The following CD2AP variants were observed in gnomAD, a reference collection of about 807,000 sequenced individuals.
CD2AP encodes the protein CD2 associated protein.
CD2AP carries 46 observed loss-of-function variants against 85.1 expected under a neutral mutation model. The observed-to-expected ratio is 0.54, with a 90% CI of 0.43 to 0.69. CD2AP has a LOEUF of 0.69. CD2AP is among the 30% of genes least tolerant of loss of function. The pLI, the probability that CD2AP is intolerant of heterozygous loss-of-function variation, is 0.00. For missense variants in CD2AP, 769 were observed against 729.5 expected, an observed-to-expected ratio of 1.05 and a Z score of -0.62; for synonymous variants, 255 against 252.9, an observed-to-expected ratio of 1.01 and a Z score of -0.08.
chr6:47,531,295 G>A (rs1211805244), intron 2 of CD2AP, among the ~76,000 whole-genome samples: 1 of 151,906 alleles, frequency 6.6e-6, no homozygotes, highest in African/African-American at 2.4e-5. Flanking sequence ...TGTTGGATTC[G>A]AGTAACTTAA....
intron 3 of CD2AP, among the ~76,000 whole-genome samples, chr6:47,539,329 G>A (rs1431258077): frequency 1.3e-5 from 2 of 152,202 alleles, no homozygotes; most frequent in Non-Finnish European, 2.9e-5. Flanking sequence ...TTGTCAAGCA[G>A]AGTATATTGA....
chr6:47,505,011 C>CTTTTTTTTTTTTTTTTTTGTTTTTTTT, intron 2 of CD2AP, among the ~76,000 whole-genome samples: 1 of 95,138 alleles, frequency 1.1e-5, no homozygotes, highest in Non-Finnish European at 1.9e-5. Context: ...GTGGCAGTTT[C>CTTTTTTTTTTTTTTTTTTGTTTTTTTT]TTTTTTTTTT....
intron 11 of CD2AP, among the ~76,000 whole-genome samples, chr6:47,584,004 A>G (rs1432839739): frequency 6.6e-6 from 1 of 152,198 alleles, no homozygotes; most frequent in East Asian, 1.9e-4. Context: ...GCAATTCCGT[A>G]ATGATATATG....
At chr6:47,549,303 C>G (rs1256401380) in intron 4 of CD2AP, among the ~76,000 whole-genome samples, 1 of 151,824 alleles carries the variant, frequency 6.6e-6, no homozygotes, top group Non-Finnish European at 1.5e-5. Context: ...CCTTGAAATC[C>G]CTAAAGACTC....
At chr6:47,539,408 G>A (rs1767145553) in intron 3 of CD2AP, among the ~76,000 whole-genome samples, 1 of 152,188 alleles carries the variant, frequency 6.6e-6, no homozygotes, top group South Asian at 2.1e-4. Flanking sequence ...AAGAAATGCA[G>A]CCTTTGGCAG....
Position 47,543,872 on chromosome 6 carries a change from T to C in CD2AP, c.320-734T>C, listed in dbSNP as rs535255780. 2.6e-5 allele frequency among the ~76,000 whole-genome samples: 4 copies of C among 152,318 alleles called. No individual in the cohort carries two copies. In the East Asian group the frequency reaches 7.7e-4, roughly 29 times the overall value. On this transcript the variant is annotated intron_variant, in intron 3 of 17. Transcript: ENST00000359314. ...ACTACATATCTCACAAGCTCCCAGG[T>C]TACACTGTTGCTGCTGGTTTAAGAA... is the stretch of plus-strand genomic sequence containing the variant.
chr6:47,489,026 G>T (rs892625135), intron 1 of CD2AP: 1 of 152,136 alleles, frequency 6.6e-6, no homozygotes, highest in Non-Finnish European at 1.5e-5. Context: ...ACAAGTTCTT[G>T]TAGTTGTCTA....
At chr6:47,579,708 T>G in intron 9 of CD2AP, 1 of 500,414 alleles carries the variant, frequency 2.0e-6, no homozygotes, top group Non-Finnish European at 3.5e-6. Flanking sequence ...TACTGAAAAA[T>G]AACCTTAGAC....
chr6:47,588,903 C>A (rs1175961640), intron 11 of CD2AP, among the ~76,000 whole-genome samples: 1 of 152,036 alleles, frequency 6.6e-6, no homozygotes, highest in East Asian at 1.9e-4. Flanking sequence ...TACCTCTAGA[C>A]CAATGAAACT....
At chr6:47,499,601 C>T (rs1765950903) in intron 1 of CD2AP, among the ~76,000 whole-genome samples, 1 of 152,128 alleles carries the variant, frequency 6.6e-6, no homozygotes, top group Admixed American at 6.5e-5. Context: ...CCTTACTTAC[C>T]CTTTCTCCTG....
At chr6:47,583,873 T>C (rs987822152) in intron 11 of CD2AP, among the ~76,000 whole-genome samples, 4 of 152,216 alleles carry the variant, frequency 2.6e-5, no homozygotes, top group African/African-American at 9.6e-5. Context: ...CATTTTGTAC[T>C]CCCCCTAGTA....
intron 1 of CD2AP, among the ~76,000 whole-genome samples, chr6:47,496,398 G>A (rs527973870): frequency 3.0e-4 from 46 of 151,966 alleles, no homozygotes; most frequent in South Asian, 6.2e-4. Context: ...TTCACTTTTT[G>A]CAGTTTAATA....
At chr6:47,537,322 T>G (rs1193469301) in intron 3 of CD2AP, among the ~76,000 whole-genome samples, 1 of 152,178 alleles carries the variant, frequency 6.6e-6, no homozygotes, top group Non-Finnish European at 1.5e-5. Context: ...ATGAGTGTGT[T>G]GGTTCATGGT....
intron 3 of CD2AP, among the ~76,000 whole-genome samples, chr6:47,540,406 A>G (rs1767182830): frequency 6.6e-6 from 1 of 152,260 alleles, no homozygotes; most frequent in East Asian, 1.9e-4. Flanking sequence ...GATGGATTCA[A>G]TATAGGCAGT....
chr6:47,483,850 T>C (rs866808387), intron 1 of CD2AP, among the ~76,000 whole-genome samples: 6 of 150,184 alleles, frequency 4.0e-5, no homozygotes, highest in Non-Finnish European at 5.9e-5. Context: ...TTTCCTTTCA[T>C]ACCCAATGTG....
chr6:47,497,358 C>T (rs1025155247), intron 1 of CD2AP, among the ~76,000 whole-genome samples: 15 of 134,420 alleles, frequency 1.1e-4, no homozygotes, highest in African/African-American at 4.7e-4. Flanking sequence ...TCCCCTTCCC[C>T]TTCCCCTTCC....
intron 1 of CD2AP, among the ~76,000 whole-genome samples, chr6:47,497,130 T>C (rs1160663514): frequency 6.7e-6 from 1 of 148,300 alleles, no homozygotes; most frequent in Admixed American, 6.7e-5. Flanking sequence ...ACTTTCACAT[T>C]ATTATGACCA....
chr6:47,486,443 G>C (rs574500344), intron 1 of CD2AP, among the ~76,000 whole-genome samples: 1 of 152,118 alleles, frequency 6.6e-6, no homozygotes, highest in Admixed American at 6.5e-5. Context: ...AGAGAGTATA[G>C]GGTCAGTGTC....
At chr6:47,529,192 C>G (rs957814843) in intron 2 of CD2AP, among the ~76,000 whole-genome samples, 4 of 114,618 alleles carry the variant, frequency 3.5e-5, no homozygotes, top group South Asian at 3.5e-4. Context: ...TGCCCCCCCC[C>G]CCCCCCCCAA....
Sources: allele counts gnomAD v4.1 joint callset (sites outside exome capture counted in the v4.1 genomes callset), GRCh38; gene constraint gnomAD v4.1.1; transcripts MANE v1.5; gene names NCBI Gene and HGNC (gene_info 2026-07-23, HGNC 2026-07-21).